SORCS2: variants seen among roughly 807,000 people sequenced by gnomAD.
SORCS2 encodes the protein VPS10 domain-containing receptor SorCS2.
Under a neutral mutation model 141.6 loss-of-function variants are expected in SORCS2, and 100 were observed. The ratio of observed to expected loss-of-function variants is 0.71; its 90% CI spans 0.60 to 0.83. The LOEUF (loss-of-function observed/expected upper bound fraction) is 0.83. SORCS2 is among the 40% of genes least tolerant of loss of function. SORCS2 has a pLI of 0.00. For missense variants in SORCS2, 1,646 were observed against 1,560.2 expected (o/e 1.05, Z -0.93); for synonymous variants, 789 against 676.9 (o/e 1.17, Z -2.57).
intron 2 of SORCS2, among the ~76,000 whole-genome samples, chr4:7,496,595 G>A (rs1378285958): frequency 6.6e-6 from 1 of 151,856 alleles, no homozygotes; most frequent in Non-Finnish European, 1.5e-5. Context: ...CAAGGGATTA[G>A]TTTTCTTACA....
chr4:7,229,005 C>A (rs1276817593), intron 1 of SORCS2, among the ~76,000 whole-genome samples: 3 of 152,210 alleles, frequency 2.0e-5, no homozygotes, highest in African/African-American at 7.2e-5. Flanking sequence ...GTGAGGCCTG[C>A]CGCGCCTTGC....
rs1167370720 is a variant in SORCS2 at position 7,741,294 on chromosome 4, C to G, written c.*1030C>G. The G allele has an allele frequency of 2.5e-6, 1 of 398,872 alleles. No homozygotes were observed. The highest frequency in any genetic ancestry group is 4.4e-6 in the Non-Finnish European group (1 of 226,156). 24.7% of individuals were successfully genotyped at this position (398,872 alleles called of 1,614,324 possible). On this transcript the variant is annotated 3_prime_UTR_variant, in exon 27 of 27. Coordinates refer to ENST00000507866, the MANE Select transcript of SORCS2 (RefSeq NM_020777.3). ...GACCCTCATTTTCAAGAAGGGGAAACTGAGGCCCAGGGAGGAGAGTAACTG... is the reference window on the plus strand; with the variant it reads ...GACCCTCATTTTCAAGAAGGGGAAAGTGAGGCCCAGGGAGGAGAGTAACTG...
At chr4:7,292,182 C>G (rs192248749) in intron 1 of SORCS2, among the ~76,000 whole-genome samples, 223 of 151,664 alleles carry the variant, frequency 1.5e-3, no homozygotes, top group African/African-American at 4.1e-3. Flanking sequence ...AGGCTCCCCC[C>G]ACCATTGACA....
chr4:7,197,819 C>T (rs965323153), intron 1 of SORCS2, among the ~76,000 whole-genome samples: 1 of 152,188 alleles, frequency 6.6e-6, no homozygotes, highest in Non-Finnish European at 1.5e-5. Flanking sequence ...TCAGAGGCAG[C>T]CTGCCCGGGT....
At chr4:7,355,551 G>A (rs1358774805) in intron 1 of SORCS2, among the ~76,000 whole-genome samples, 1 of 152,152 alleles carries the variant, frequency 6.6e-6, no homozygotes, top group Non-Finnish European at 1.5e-5. Flanking sequence ...GCGTGGCTCT[G>A]CCGTCCCCAG....
intron 2 of SORCS2, among the ~76,000 whole-genome samples, chr4:7,495,618 C>T (rs111827647): frequency 8.7e-4 from 133 of 152,314 alleles, no homozygotes; most frequent in Middle Eastern, 6.8e-3. Flanking sequence ...CTAGAGCTCA[C>T]AGGCTCATGT....
intron 1 of SORCS2, among the ~76,000 whole-genome samples, chr4:7,194,329 T>C (rs1239693185): frequency 6.6e-6 from 1 of 152,126 alleles, no homozygotes; most frequent in African/African-American, 2.4e-5. Flanking sequence ...ATCTGGGTGG[T>C]CACTTGTGCC....
At chr4:7,682,974 A>C in intron 10 of SORCS2, 85 bp downstream of exon 10, 2 of 1,492,480 alleles carry the variant, frequency 1.3e-6, no homozygotes, top group Non-Finnish European at 1.8e-6. Context: ...AGAGGTGGTG[A>C]TGTCTGAGAA....
In SORCS2 at chr4:7,287,757, T is replaced by C. The variant is rs567659685; in HGVS notation, c.480+94631T>C. Among the ~76,000 whole-genome samples, 15 of 152,296 alleles carry C rather than the reference T, an allele frequency of 9.8e-5. No individual in the cohort carries two copies. In the South Asian group the frequency reaches 1.9e-3, roughly 19 times the overall value. Reference sequence around the variant, plus strand: ...TAGTGGCTCTGGTGTATTGATCCCGTGCTGTGGGCGGGCGTGGGTCTGCGG... The same window carrying C: ...TAGTGGCTCTGGTGTATTGATCCCGCGCTGTGGGCGGGCGTGGGTCTGCGG... On this transcript the variant is annotated intron_variant, in intron 1 of 26. Transcript: ENST00000507866.
intron 1 of SORCS2, among the ~76,000 whole-genome samples, chr4:7,340,731 G>C (rs1720322282): frequency 6.6e-6 from 1 of 152,238 alleles, no homozygotes; most frequent in African/African-American, 2.4e-5. Flanking sequence ...CCGAGGAAAA[G>C]AGAAGCTGTC....
At chr4:7,236,487 G>A (rs769419528) in intron 1 of SORCS2, among the ~76,000 whole-genome samples, 11 of 152,300 alleles carry the variant, frequency 7.2e-5, no homozygotes, top group Admixed American at 2.0e-4. Context: ...GGTTGATGGC[G>A]TAGGTGAGGG....
chr4:7,726,137 C>G (rs1425168170), intron 20 of SORCS2, among the ~76,000 whole-genome samples: 1 of 152,226 alleles, frequency 6.6e-6, no homozygotes, highest in Non-Finnish European at 1.5e-5. Context: ...GAGCTGGGCA[C>G]TGGCTTGGTG....
intron 11 of SORCS2, among the ~76,000 whole-genome samples, chr4:7,692,176 G>A (rs1297503406): frequency 2.0e-5 from 3 of 152,180 alleles, no homozygotes; most frequent in East Asian, 3.9e-4. Context: ...GAAAAGGCGC[G>A]TGGGCTGGCT....
At chr4:7,660,003 G>A (rs1047592922) in intron 5 of SORCS2, among the ~76,000 whole-genome samples, 8 of 152,140 alleles carry the variant, frequency 5.3e-5, no homozygotes, top group South Asian at 2.1e-4. Context: ...TGGTTTCCTC[G>A]TCTGTAAAAT....
chr4:7,421,740 G>A (rs539076386), intron 2 of SORCS2, among the ~76,000 whole-genome samples: 1 of 152,232 alleles, frequency 6.6e-6, no homozygotes, highest in South Asian at 2.1e-4. Context: ...CTGTGGGACG[G>A]CCACTGCGGC....
intron 2 of SORCS2, among the ~76,000 whole-genome samples, chr4:7,441,307 G>A (rs1381227713): frequency 6.6e-6 from 1 of 152,158 alleles, no homozygotes; most frequent in Non-Finnish European, 1.5e-5. Flanking sequence ...CCTGAGGCCA[G>A]GGTCGGGGCT....
chr4:7,558,189 G>A (rs73214658), intron 3 of SORCS2, among the ~76,000 whole-genome samples: 11,679 of 152,232 alleles, frequency 0.077, 488 homozygotes, highest in Non-Finnish European at 0.084. Context: ...GGAGAGGAAT[G>A]CATAACTGAC....
intron 1 of SORCS2, among the ~76,000 whole-genome samples, chr4:7,344,908 G>A (rs1720569458): frequency 6.6e-6 from 1 of 152,124 alleles, no homozygotes; most frequent in Non-Finnish European, 1.5e-5. Context: ...GGAAGCTTTT[G>A]GCTGTGCTGT....
chr4:7,356,372 G>T (rs888093456), intron 1 of SORCS2, among the ~76,000 whole-genome samples: 5 of 152,212 alleles, frequency 3.3e-5, no homozygotes, highest in Non-Finnish European at 7.3e-5. Flanking sequence ...GAAGTCCAAG[G>T]TCAAGGCTCT....
Sources: gnomAD v4.1 joint callset for allele counts (sites outside exome capture counted in the v4.1 genomes callset) on GRCh38, gnomAD v4.1.1 for gene constraint, MANE v1.5 for transcripts, NCBI Gene and HGNC (gene_info 2026-07-23, HGNC 2026-07-21) for gene names.